Variants in RNF4 observed in about 807,000 individuals in gnomAD.
RNF4 encodes the protein E3 ubiquitin-protein ligase RNF4.
RNF4 carries 7 observed loss-of-function variants against 24.3 expected under a neutral mutation model. That is an observed-to-expected ratio of 0.29 (90% CI 0.16 to 0.54). The LOEUF is 0.54. Ranked by LOEUF, RNF4 falls within the 20% of genes least tolerant of loss-of-function variation. RNF4 has a pLI of 0.95. For synonymous variants in RNF4, 83 were observed against 84.3 expected (o/e 0.98, Z 0.09); for missense variants, 209 against 248.5 (o/e 0.84, Z 1.07).
intron 4 of RNF4, among the ~76,000 whole-genome samples, chr4:2,503,564 T>C (rs940044117): frequency 6.6e-6 from 1 of 152,218 alleles, no homozygotes; most frequent in Non-Finnish European, 1.5e-5. Flanking sequence ...TTGATAGCTC[T>C]TGCTAATCAT....
intron 4 of RNF4, among the ~76,000 whole-genome samples, chr4:2,506,473 T>C (rs1158593408): frequency 6.6e-6 from 1 of 152,178 alleles, no homozygotes; most frequent in Non-Finnish European, 1.5e-5. Flanking sequence ...TGAGCCACCA[T>C]GTCCGGCCTC....
chr4:2,475,452 C>T (rs1560398839), intron 1 of RNF4, among the ~76,000 whole-genome samples: 1 of 152,088 alleles, frequency 6.6e-6, no homozygotes, highest in South Asian at 2.1e-4. Flanking sequence ...CATTCTCCTG[C>T]CTCAGCCTCC....
chr4:2,506,941 A>G (rs903246999), intron 4 of RNF4, among the ~76,000 whole-genome samples: 1 of 152,184 alleles, frequency 6.6e-6, no homozygotes, highest in Non-Finnish European at 1.5e-5. Context: ...AGTGGTAGAA[A>G]AGAGACTGGC....
intron 2 of RNF4, among the ~76,000 whole-genome samples, chr4:2,493,826 G>A (rs1049768752): frequency 6.6e-6 from 1 of 151,656 alleles, no homozygotes; most frequent in Non-Finnish European, 1.5e-5. Context: ...AGAGAATGGG[G>A]TAAATATTTT....
chr4:2,505,525 C>G (rs1339190688), intron 4 of RNF4: 13 of 150,452 alleles, frequency 8.6e-5, no homozygotes, highest in South Asian at 2.1e-4. Flanking sequence ...CGGGGTTTCA[C>G]CATGTTAGCC....
rs1736362536 is a variant in RNF4 at position 2,514,645 on chromosome 4, G to T, written c.*826G>T. 1 of 152,672 alleles carries T rather than the reference G, an allele frequency of 6.5e-6. No individual in the cohort carries two copies. The highest frequency in any genetic ancestry group is 6.6e-5 in the Admixed American group (1 of 15,260). 9.5% of individuals were successfully genotyped at this position (152,672 alleles called of 1,614,324 possible). A position where few individuals can be genotyped will look rare whatever the true frequency, so the allele number is the denominator to read the frequency against. On this transcript the variant is annotated 3_prime_UTR_variant, in exon 8 of 8. Coordinates refer to ENST00000314289, the MANE Select transcript of RNF4 (RefSeq NM_002938.5). ...ATAAATAGGGCAGGCACGTGTTTGGGTGTCCTCTCTTTTCTGATAAAATCC... is the reference window on the plus strand; with the variant it reads ...ATAAATAGGGCAGGCACGTGTTTGGTTGTCCTCTCTTTTCTGATAAAATCC...
At chr4:2,478,384 A>C (rs1222760940) in intron 1 of RNF4, among the ~76,000 whole-genome samples, 1 of 152,242 alleles carries the variant, frequency 6.6e-6, no homozygotes, top group Non-Finnish European at 1.5e-5. Context: ...TTAATCCCCA[A>C]GACAGTGGGG....
At chr4:2,480,581 A>AG (rs1164600133) in intron 1 of RNF4, 1 of 150,950 alleles carries the variant, frequency 6.6e-6, no homozygotes, top group Non-Finnish European at 1.5e-5. Flanking sequence ...AATTTCAGTG[A>AG]GGAAAAAAAA....
chr4:2,488,144 C>T (rs753983712), intron 1 of RNF4, among the ~76,000 whole-genome samples: 60 of 152,088 alleles, frequency 3.9e-4, no homozygotes, highest in African/African-American at 6.3e-4. Flanking sequence ...GTGAATGAGG[C>T]GGGGAGGTAT....
intron 1 of RNF4, among the ~76,000 whole-genome samples, chr4:2,484,066 A>ATT (rs1174368424): frequency 0.03 from 15 of 498 alleles, 6 homozygotes; most frequent in African/African-American, 0.088. Context: ...GCCTCAGGTG[A>ATT]TCCCCCCCCG....
In RNF4 at chr4:2,506,969, C is replaced by T. The variant is rs577881679; in HGVS notation, c.205-4987C>T. 1.1e-4 allele frequency among the ~76,000 whole-genome samples: 16 copies of T among 152,222 alleles called. 1 individual carries two copies. The Middle Eastern group carries it at 0.01, about 97-fold the overall frequency. The stretch of plus-strand genomic sequence containing the variant: ...AGACTGGCAACTCTCTTTAAGGAAT[C>T]GAGATTCTTTAAGGGGAAGGTTATT... On this transcript the variant is annotated intron_variant, in intron 4 of 7. Transcript: ENST00000314289.
intron 1 of RNF4, among the ~76,000 whole-genome samples, chr4:2,486,470 C>T (rs1182423848): frequency 1.3e-5 from 2 of 152,166 alleles, no homozygotes; most frequent in African/African-American, 4.8e-5. Flanking sequence ...CCAAGACCAG[C>T]CTTCCAAATT....
In RNF4 at chr4:2,504,398, C is replaced by T. The variant is rs542553843; in HGVS notation, c.204+3660C>T. On this transcript the variant is annotated intron_variant, in intron 4 of 7. Coordinates refer to ENST00000314289, the MANE Select transcript of RNF4 (RefSeq NM_002938.5). ...ACTTTTAATTTTAGCCATTCTGATG[C>T]TTGTCCAGTGGTGTCTCATTGTGGT... is the stretch of plus-strand genomic sequence containing the variant. Among the ~76,000 whole-genome samples the T allele has an allele frequency of 8.5e-5, 13 of 152,290 alleles. 2 individuals are homozygous for T. The East Asian group carries it at 2.5e-3, about 29-fold the overall frequency.
chr4:2,502,151 T>G (rs1735930557), intron 4 of RNF4, among the ~76,000 whole-genome samples: 1 of 152,252 alleles, frequency 6.6e-6, no homozygotes, highest in South Asian at 2.1e-4. Context: ...AGCTGACACC[T>G]TGGTTTCACC....
intron 3 of RNF4, among the ~76,000 whole-genome samples, chr4:2,497,968 T>C (rs1735789675): frequency 6.6e-6 from 1 of 152,116 alleles, no homozygotes; most frequent in South Asian, 2.1e-4. Flanking sequence ...AGAAACTTAG[T>C]GCAAGATAAA....
chr4:2,486,926 A>G (rs752711184), intron 1 of RNF4, among the ~76,000 whole-genome samples: 16 of 152,130 alleles, frequency 1.1e-4, no homozygotes, highest in Non-Finnish European at 2.4e-4. Context: ...ATTTCTTGAG[A>G]TCAGAAACAT....
intron 4 of RNF4, among the ~76,000 whole-genome samples, chr4:2,501,572 G>C (rs961527130): frequency 6.6e-6 from 1 of 152,250 alleles, no homozygotes; most frequent in Non-Finnish European, 1.5e-5. Flanking sequence ...CTGTTTCATG[G>C]TGCATGCAGG....
In RNF4 at chr4:2,500,839, A is replaced by G. The variant is rs1016192031; in HGVS notation, c.204+101A>G. On this transcript the variant is annotated intron_variant, in intron 4 of 7. Transcript: ENST00000314289. Reference sequence around the variant, plus strand: ...GTCACAGACTCCAAGTCAAGGTTACAGCTTATGCTAAAGAAGTTCATGCAT... The same window carrying G: ...GTCACAGACTCCAAGTCAAGGTTACGGCTTATGCTAAAGAAGTTCATGCAT... The G allele has an allele frequency of 3.8e-6, 4 of 1,063,004 alleles. No homozygotes were observed. In the Admixed American group the frequency reaches 8.3e-5, roughly 22 times the overall value. The allele number at this position is 1,063,004 out of a possible 1,614,324, so 65.8% of individuals were successfully genotyped here.
At chr4:2,494,301 T>C (rs1250572920) in intron 2 of RNF4, among the ~76,000 whole-genome samples, 1 of 152,070 alleles carries the variant, frequency 6.6e-6, no homozygotes, top group Non-Finnish European at 1.5e-5. Context: ...ACTCTGCTGC[T>C]GTATCCAGTT....
Sources: gnomAD v4.1 joint callset for allele counts (sites outside exome capture counted in the v4.1 genomes callset) on GRCh38, gnomAD v4.1.1 for gene constraint, MANE v1.5 for transcripts, NCBI Gene and HGNC (gene_info 2026-07-23, HGNC 2026-07-21) for gene names.